PLCL1: variants seen among roughly 807,000 people sequenced by gnomAD.
PLCL1 encodes the protein inactive phospholipase C-like protein 1.
Under a neutral mutation model 84.4 loss-of-function variants are expected in PLCL1, and 41 were observed. The observed-to-expected ratio is 0.49, with a 90% CI of 0.38 to 0.63. The LOEUF is 0.63. Ranked by LOEUF, PLCL1 falls within the 30% of genes least tolerant of loss-of-function variation. The probability of loss-of-function intolerance (pLI) is 0.00; values close to 1 mark genes in which losing one functional copy is unlikely to be tolerated. For missense variants in PLCL1, 1,206 were observed against 1,367.8 expected (o/e 0.88, Z 1.87); for synonymous variants, 490 against 488.3 (o/e 1.00, Z -0.05).
chr2:198,047,226 C>T (rs551741697), intron 1 of PLCL1, among the ~76,000 whole-genome samples: 77 of 151,946 alleles, frequency 5.1e-4, no homozygotes, highest in African/African-American at 1.7e-3. Flanking sequence ...ACACTGTCGC[C>T]AGGCTGGAGT....
intron 1 of PLCL1, among the ~76,000 whole-genome samples, chr2:197,878,068 A>T (rs1312771255): frequency 6.6e-6 from 1 of 152,154 alleles, no homozygotes; most frequent in African/African-American, 2.4e-5. Flanking sequence ...ACAAAGATGA[A>T]AGGAGGCTAT....
chr2:198,012,215 G>A (rs79383490), intron 1 of PLCL1, among the ~76,000 whole-genome samples: 6 of 152,244 alleles, frequency 3.9e-5, no homozygotes, highest in Non-Finnish European at 8.8e-5. Flanking sequence ...TTTGAAAGCA[G>A]TCTACTCTGG....
chr2:198,085,375 G>A lies in PLCL1; in HGVS notation c.1858G>A (p.Ala620Thr). The change falls in exon 2 of 6, where the codon GCC (alanine) becomes ACC (threonine). Residue 620 changes from alanine to threonine, a missense_variant. Physicochemically the swap from Ala to Thr is moderately conservative, Grantham distance 58 (BLOSUM62 0). Transcript: ENST00000428675. This position sits in a 1 kb window ranked among gnomAD's most constrained non-coding sequence, Gnocchi z 5.3. ...WEMCSFSETEASRIANEYPED... is the reference protein window; with the variant it reads ...WEMCSFSETETSRIANEYPED... Reference sequence around the variant, plus strand: ...AATGTGTTCATTTAGTGAAACAGAGGCCAGCCGCATTGCAAATGAGTACCC... The same window carrying A: ...AATGTGTTCATTTAGTGAAACAGAGACCAGCCGCATTGCAAATGAGTACCC... 1 of 1,611,752 alleles carries A rather than the reference G, an allele frequency of 6.2e-7. No individual in the cohort carries two copies. Among genetic ancestry groups the A allele is most frequent in the South Asian group, 1.1e-5 (1 of 90,960 alleles).
intron 1 of PLCL1, among the ~76,000 whole-genome samples, chr2:197,884,167 A>G (rs1475956505): frequency 6.6e-6 from 1 of 152,244 alleles, no homozygotes; most frequent in African/African-American, 2.4e-5. Context: ...AAGTCCAGAG[A>G]TAGACGGTCT....
chr2:197,810,293 C>A, intron 1 of PLCL1: 2 of 1,273,774 alleles, frequency 1.6e-6, no homozygotes, highest in East Asian at 5.6e-5. Context: ...TCTTATAGCA[C>A]CTCTCAAGAA....
chr2:197,899,110 A>T (rs1160229664), intron 1 of PLCL1, among the ~76,000 whole-genome samples: 1 of 152,206 alleles, frequency 6.6e-6, no homozygotes, highest in Non-Finnish European at 1.5e-5. Flanking sequence ...ATAGTGTTAA[A>T]CAAAACAGAT....
rs1559038685 is a variant in PLCL1, at chr2:197,897,189, C to CT, written c.240+91851dup. 3.7e-3 allele frequency among the ~76,000 whole-genome samples: 103 copies of CT among 28,050 alleles called. 7 individuals carry two copies. The highest frequency in any genetic ancestry group is 0.012 in the South Asian group (8 of 650). The allele number at this position is 28,050 out of a possible 152,430, so 18.4% of individuals were successfully genotyped here. On this transcript the variant is annotated intron_variant, in intron 1 of 5. Transcript: ENST00000428675. ...TCTTCTTCTTCTTCTTCTTCTTCTT[C>CT]TCCTTCTCCTTCTTCTTTCTTCTTC...
intron 1 of PLCL1, among the ~76,000 whole-genome samples, chr2:198,004,558 T>G (rs1457422340): frequency 4.6e-5 from 7 of 152,220 alleles, no homozygotes; most frequent in Admixed American, 3.3e-4. Flanking sequence ...AAAAAAACTT[T>G]GTGGCTCTTG....
chr2:197,845,910 A>G (rs1470876158), intron 1 of PLCL1, among the ~76,000 whole-genome samples: 2 of 152,128 alleles, frequency 1.3e-5, no homozygotes, highest in Non-Finnish European at 2.9e-5. Flanking sequence ...ACCAAGGCTA[A>G]GTGCCATAGC....
At chr2:198,022,296 A>G (rs767845631) in intron 1 of PLCL1, among the ~76,000 whole-genome samples, 2 of 152,188 alleles carry the variant, frequency 1.3e-5, no homozygotes, top group African/African-American at 2.4e-5. Context: ...GCAATATCAT[A>G]CTGAATGGGC....
intron 1 of PLCL1, among the ~76,000 whole-genome samples, chr2:197,871,165 A>G (rs187570770): frequency 2.6e-5 from 4 of 152,270 alleles, no homozygotes; most frequent in Admixed American, 2.6e-4. Context: ...TCCTGAATTT[A>G]GAATCCTAAT....
intron 1 of PLCL1, among the ~76,000 whole-genome samples, chr2:197,813,274 G>A (rs1302588777): frequency 1.3e-5 from 2 of 152,118 alleles, no homozygotes; most frequent in Non-Finnish European, 2.9e-5. Context: ...TCCTTTGAAA[G>A]CTTCCTCCCC....
intron 1 of PLCL1, among the ~76,000 whole-genome samples, chr2:198,069,308 T>A (rs1692409054): frequency 6.6e-6 from 1 of 151,778 alleles, no homozygotes; most frequent in African/African-American, 2.4e-5. Flanking sequence ...TTGGACAACA[T>A]GGCAAGAACC....
intron 1 of PLCL1, among the ~76,000 whole-genome samples, chr2:197,888,907 G>A (rs1448411308): frequency 1.3e-5 from 2 of 152,076 alleles, no homozygotes; most frequent in Admixed American, 1.3e-4. Context: ...TATGATACTA[G>A]TATTGAAAAG....
At chr2:197,950,967 G>A (rs1260174765) in intron 1 of PLCL1, among the ~76,000 whole-genome samples, 1 of 152,078 alleles carries the variant, frequency 6.6e-6, no homozygotes, top group African/African-American at 2.4e-5. Flanking sequence ...GACAGGAGAA[G>A]CATGGTTGTG....
chr2:197,897,190 TCCTTCTC>T (rs1688165435), intron 1 of PLCL1, among the ~76,000 whole-genome samples: 1 of 36,900 alleles, frequency 2.7e-5, no homozygotes. Flanking sequence ...CTTCTTCTTC[TCCTTCTC>T]CTTCTTCTTT....
chr2:197,810,465 G>C (rs540481513), intron 1 of PLCL1: 11 of 337,228 alleles, frequency 3.3e-5, no homozygotes, highest in African/African-American at 2.2e-4. Flanking sequence ...TAATTACATA[G>C]CCATTGAGGG....
intron 1 of PLCL1, among the ~76,000 whole-genome samples, chr2:198,078,154 A>G (rs556955128): frequency 1.3e-5 from 2 of 152,300 alleles, no homozygotes; most frequent in African/African-American, 2.4e-5. Context: ...GCACATATGC[A>G]GAGTGATATA....
At chr2:197,952,341 C>G (rs1184513062) in intron 1 of PLCL1, among the ~76,000 whole-genome samples, 1 of 152,100 alleles carries the variant, frequency 6.6e-6, no homozygotes, top group Admixed American at 6.6e-5. Context: ...ATGTGATAAC[C>G]TGCTCTGTGC....
Sources: allele counts gnomAD v4.1 joint callset (sites outside exome capture counted in the v4.1 genomes callset), GRCh38; gene constraint gnomAD v4.1.1; non-coding constraint Gnocchi (gnomAD v3.1); transcripts MANE v1.5; gene names NCBI Gene and HGNC (gene_info 2026-07-23, HGNC 2026-07-21).